The following ADGRL3 variants were observed in gnomAD, a reference collection of about 807,000 sequenced individuals.
The protein encoded by ADGRL3 is calcium-independent alpha-latrotoxin receptor 3.
ADGRL3 carries 62 observed loss-of-function variants against 153.5 expected under a neutral mutation model. The observed-to-expected ratio is 0.40, with a 90% confidence interval of 0.33 to 0.50. ADGRL3 has a LOEUF of 0.50. ADGRL3 is among the 20% of genes least tolerant of loss of function. The probability of loss-of-function intolerance (pLI) is 0.47; values close to 1 mark genes in which losing one functional copy is unlikely to be tolerated. For synonymous variants in ADGRL3, 710 were observed against 672.5 expected (o/e 1.06, Z -0.86); for missense variants, 1,641 against 1,859.4 (o/e 0.88, Z 2.16).
chr4:61,725,350 T>C (rs1261154574), intron 6 of ADGRL3, among the ~76,000 whole-genome samples: 2 of 152,062 alleles, frequency 1.3e-5, no homozygotes, highest in African/African-American at 4.8e-5. Context: ...CAGTGGCTCA[T>C]GCCTGTAATC....
chr4:61,695,757 G>T (rs545707725), intron 6 of ADGRL3, among the ~76,000 whole-genome samples: 10 of 152,204 alleles, frequency 6.6e-5, no homozygotes, highest in African/African-American at 1.2e-4. Context: ...TTGATAATTG[G>T]TTTTTTAGTG....
intron 8 of ADGRL3, among the ~76,000 whole-genome samples, chr4:61,745,737 AC>A (rs2096649021): frequency 6.6e-6 from 1 of 152,192 alleles, no homozygotes; most frequent in Non-Finnish European, 1.5e-5. Flanking sequence ...AACAACTGGT[AC>A]CAGCCACTGC....
intron 11 of ADGRL3, among the ~76,000 whole-genome samples, chr4:61,906,038 T>C (rs1241750867): frequency 6.6e-6 from 1 of 151,838 alleles, no homozygotes; most frequent in Non-Finnish European, 1.5e-5. Context: ...TGAGTCTCTT[T>C]TTAGGCTTTG....
At chr4:61,579,737 A>G in intron 4 of ADGRL3, 1 of 341,646 alleles carries the variant, frequency 2.9e-6, no homozygotes, top group East Asian at 9.0e-5. Context: ...TTGACCTCAG[A>G]ACATAGTTGT....
intron 2 of ADGRL3, among the ~76,000 whole-genome samples, chr4:61,393,275 A>G (rs1578614045): frequency 6.6e-6 from 1 of 152,138 alleles, no homozygotes; most frequent in East Asian, 1.9e-4. Context: ...TCAGAAGTCA[A>G]TGATATGCAC....
intron 2 of ADGRL3, among the ~76,000 whole-genome samples, chr4:61,390,153 A>G: frequency 6.6e-6 from 1 of 152,170 alleles, no homozygotes; most frequent in East Asian, 1.9e-4. Context: ...TAGTTATTTT[A>G]AAATAAATGT....
At chr4:61,964,111 G>C (rs948922972) in intron 17 of ADGRL3, among the ~76,000 whole-genome samples, 7 of 152,128 alleles carry the variant, frequency 4.6e-5, no homozygotes, top group Non-Finnish European at 1.0e-4. Flanking sequence ...TTAAAAATCA[G>C]GAGGCTTAGG....
intron 2 of ADGRL3, among the ~76,000 whole-genome samples, chr4:61,457,450 G>A (rs1041535102): frequency 1.3e-5 from 2 of 151,846 alleles, no homozygotes; most frequent in African/African-American, 2.4e-5. Context: ...TCCTGTGAAT[G>A]CAATTTTATT....
At chr4:61,592,784 T>G (rs1560899972) in intron 5 of ADGRL3, among the ~76,000 whole-genome samples, 2 of 152,148 alleles carry the variant, frequency 1.3e-5, no homozygotes, top group Admixed American at 6.6e-5. Flanking sequence ...GTTAAAAAAT[T>G]TAGTAAATGA....
chr4:61,714,782 A>T (rs372118525), intron 6 of ADGRL3, among the ~76,000 whole-genome samples: 16 of 152,176 alleles, frequency 1.1e-4, no homozygotes, highest in African/African-American at 3.9e-4. Context: ...AATAATAGCA[A>T]CATATTTTTG....
intron 3 of ADGRL3, 48 bp from the exon 4 acceptor site, chr4:61,517,267 G>A (rs567538216): frequency 1.3e-5 from 9 of 697,468 alleles, no homozygotes; most frequent in Admixed American, 8.0e-5. Flanking sequence ...CCCTGAGGCG[G>A]GACTGAGGTG....
intron 8 of ADGRL3, among the ~76,000 whole-genome samples, chr4:61,742,360 G>C (rs1321199465): frequency 6.6e-6 from 1 of 151,946 alleles, no homozygotes; most frequent in Non-Finnish European, 1.5e-5. Flanking sequence ...CTCACTGCAA[G>C]CTCCGCCTCC....
intron 4 of ADGRL3, among the ~76,000 whole-genome samples, chr4:61,575,365 A>T (rs2098867621): frequency 6.6e-6 from 1 of 151,994 alleles, no homozygotes; most frequent in Non-Finnish European, 1.5e-5. Flanking sequence ...TCTTGTTTAA[A>T]ATCATTTTGG....
chr4:61,371,974 ATTCAT>A (rs1298511736), intron 1 of ADGRL3, among the ~76,000 whole-genome samples: 3 of 151,736 alleles, frequency 2.0e-5, no homozygotes, highest in African/African-American at 7.3e-5. Flanking sequence ...GCTTCATTTC[ATTCAT>A]TTCATCTTCC....
chr4:61,355,882 G>A (rs1407204203), intron 1 of ADGRL3, among the ~76,000 whole-genome samples: 2 of 152,170 alleles, frequency 1.3e-5, no homozygotes, highest in African/African-American at 4.8e-5. Context: ...GATATTCATA[G>A]CAGTATTCAA....
intron 22 of ADGRL3, among the ~76,000 whole-genome samples, chr4:62,029,392 C>A (rs1348543181): frequency 4.6e-5 from 7 of 151,634 alleles, no homozygotes; most frequent in South Asian, 2.1e-4. Flanking sequence ...TTTACATATG[C>A]AAAATTATCC....
chr4:62,068,284 C>A, intron 26 of ADGRL3, 101 bp downstream of exon 26: 1 of 1,097,468 alleles, frequency 9.1e-7, no homozygotes, highest in Non-Finnish European at 1.3e-6. Context: ...AACAGTTCAT[C>A]TCACAATTTA....
At chr4:61,371,171 T>C (rs1416223617) in intron 1 of ADGRL3, among the ~76,000 whole-genome samples, 1 of 151,182 alleles carries the variant, frequency 6.6e-6, no homozygotes, top group Non-Finnish European at 1.5e-5. Context: ...TGATGGGTCT[T>C]GACTCTTTAT....
At chr4:61,644,802 C>T (rs573990702) in intron 5 of ADGRL3, among the ~76,000 whole-genome samples, 8 of 152,096 alleles carry the variant, frequency 5.3e-5, no homozygotes, top group African/African-American at 1.4e-4. Flanking sequence ...CTATTATGTC[C>T]GCTTGGTATA....
Sources: allele counts gnomAD v4.1 joint callset (sites outside exome capture counted in the v4.1 genomes callset), GRCh38; gene constraint gnomAD v4.1.1; transcripts MANE v1.5; gene names NCBI Gene and HGNC (gene_info 2026-07-23, HGNC 2026-07-21).